The following SPEF2 variants were observed in gnomAD, a reference collection of about 807,000 sequenced individuals.
SPEF2 encodes sperm flagella and cilia-associated protein 2.
SPEF2 carries 187 observed loss-of-function variants against 224.6 expected under a neutral mutation model. That is an observed-to-expected ratio of 0.83 (90% CI 0.74 to 0.94). The LOEUF (loss-of-function observed/expected upper bound fraction) is 0.94, where lower values mean the gene tolerates loss of function less well. Ranked by LOEUF, SPEF2 falls within the 40% of genes least tolerant of loss-of-function variation. The pLI is 0.00. For synonymous variants in SPEF2, 715 were observed against 707.3 expected, an observed-to-expected ratio of 1.01 and a Z score of -0.17; for missense variants, 2,170 against 2,135.6, an observed-to-expected ratio of 1.02 and a Z score of -0.32.
intron 28 of SPEF2, among the ~76,000 whole-genome samples, chr5:35,774,720 T>A (rs887829822): frequency 1.1e-4 from 16 of 152,176 alleles, no homozygotes; most frequent in African/African-American, 3.9e-4. Flanking sequence ...TGGCATGGGG[T>A]ATGCCGAGAC....
chr5:35,627,349 C>G (rs957707796), intron 1 of SPEF2, among the ~76,000 whole-genome samples: 2 of 151,852 alleles, frequency 1.3e-5, no homozygotes, highest in African/African-American at 2.4e-5. Flanking sequence ...TGCCTGTAAT[C>G]CCAGCACTTT....
chr5:35,704,595 C>A lies in SPEF2; in HGVS notation c.2440C>A (p.Gln814Lys), dbSNP rs1739363609. Reference protein sequence around the residue: ...SYKTAHEDISQRVAAENQDKD... With the variant: ...SYKTAHEDISKRVAAENQDKD... The stretch of plus-strand genomic sequence containing the variant: ...TAAAACTGCTCACGAAGATATCAGT[C>A]AACGTGTAGCTGCTGAAAACCAAGA... Residue 814 changes from glutamine to lysine, a missense_variant, in exon 17 of 37, where the codon CAA becomes AAA. Physicochemically the swap from Gln to Lys is moderately conservative, Grantham distance 53. Transcript: ENST00000356031. 6.2e-7 allele frequency: 1 copy of A among 1,612,830 alleles called. No individual in the cohort carries two copies. Among genetic ancestry groups the A allele is most frequent in the South Asian group, 1.1e-5 (1 of 90,922 alleles).
rs1208984321 is a variant in SPEF2, at chr5:35,806,951, A to G, written c.5255A>G (p.Glu1752Gly). 6.3e-7 allele frequency: 1 copy of G among 1,590,068 alleles called. No individual in the cohort carries two copies. Among genetic ancestry groups the G allele is most frequent in the Non-Finnish European group, 8.5e-7 (1 of 1,171,122 alleles). The change falls in exon 35 of 37, where the codon GAG becomes GGG. Residue 1752 changes from glutamate to glycine, a missense_variant and splice_region_variant. By Grantham distance (98) the Glu-to-Gly change is moderately conservative. Transcript: ENST00000356031. ...SHLKIENIYA[E>G]GFIKTFQDLG... ...CTAAAGATAGAGAACATTTATGCAG[A>G]GGTTGGTTAAATTATTTTGAAAAAA...
chr5:35,705,791 C>G lies in SPEF2; in HGVS notation c.2648C>G (p.Ala883Gly). Residue 883 changes from alanine (A) to glycine (G), a missense_variant, in exon 18 of 37, where the codon GCA becomes GGA. Transcript: ENST00000356031. ...KVKEILTTEI[A>G]KKKNKVEKKL... ...AAAGAAATTCTTACGACTGAAATAG[C>G]AAAAAAAAAGAATAAAGGTATTTAC... The G allele has an allele frequency of 2.1e-6, 3 of 1,440,270 alleles. No homozygotes were observed. The highest frequency in any genetic ancestry group is 2.8e-6 in the Non-Finnish European group (3 of 1,067,608). 89.2% of individuals were successfully genotyped at this position (1,440,270 alleles called of 1,614,324 possible).
chr5:35,770,625 C>T (rs1752701188), intron 26 of SPEF2, among the ~76,000 whole-genome samples: 1 of 151,680 alleles, frequency 6.6e-6, no homozygotes, highest in Non-Finnish European at 1.5e-5. Flanking sequence ...CCTTTCTGTG[C>T]CTGGCTTATT....
chr5:35,702,322 A>C (rs1403525015), intron 16 of SPEF2: 1 of 456,234 alleles, frequency 2.2e-6, no homozygotes, highest in South Asian at 1.5e-5. Flanking sequence ...GGGCTGAGGT[A>C]AATGATCCAG....
chr5:35,619,523 A>G (rs1454779746), intron 1 of SPEF2, among the ~76,000 whole-genome samples: 1 of 152,154 alleles, frequency 6.6e-6, no homozygotes, highest in Non-Finnish European at 1.5e-5. Flanking sequence ...TCTACTAAAA[A>G]TACATTAGCC....
At chr5:35,776,224 T>A (rs745824866) in intron 28 of SPEF2, 33 bp from the exon 29 acceptor site, 2 of 1,590,826 alleles carry the variant, frequency 1.3e-6, no homozygotes, top group Admixed American at 1.8e-5. Context: ...CACTGCAATA[T>A]GTTAAAACAT....
intron 20 of SPEF2, among the ~76,000 whole-genome samples, chr5:35,717,108 G>A (rs895408351): frequency 2.0e-5 from 3 of 152,144 alleles, no homozygotes; most frequent in South Asian, 4.1e-4. Flanking sequence ...TGTTAATTAG[G>A]AGCCAAATTT....
Position 35,692,482 on chromosome 5 carries a change from G to GTGTT in SPEF2, c.1745-87_1745-84dup, listed in dbSNP as rs1338370271. 17 of 985,230 alleles carry GTGTT rather than the reference G, an allele frequency of 1.7e-5. No homozygotes were observed. In the African/African-American group the frequency reaches 2.6e-4, roughly 15 times the overall value. 61.0% of individuals were successfully genotyped at this position (985,230 alleles called of 1,614,324 possible). A position where few individuals can be genotyped will look rare whatever the true frequency, so the allele number is the denominator to read the frequency against. ...ACTGTTCTAGCGGGCCTGAAAGACA[G>GTGTT]TGTTATAGGACAAAACCAGCACATA... On this transcript the variant is annotated intron_variant, in intron 11 of 36. Transcript: ENST00000356031.
At chr5:35,639,173 A>T (rs286445) in intron 2 of SPEF2, among the ~76,000 whole-genome samples, 1 of 151,968 alleles carries the variant, frequency 6.6e-6, no homozygotes, top group South Asian at 2.1e-4. Flanking sequence ...CTTTGGATAG[A>T]TGTGTGTCCT....
At chr5:35,698,585 C>T (rs1296322841) in intron 15 of SPEF2, 3 of 152,200 alleles carry the variant, frequency 2.0e-5, no homozygotes, top group African/African-American at 4.8e-5. Context: ...GGAACTGAAA[C>T]CTCCACACCC....
chr5:35,629,598 A>G (rs142417648), intron 2 of SPEF2, among the ~76,000 whole-genome samples: 1 of 152,350 alleles, frequency 6.6e-6, no homozygotes, highest in Non-Finnish European at 1.5e-5. Context: ...TTTAGTGGCT[A>G]TATTGAAATA....
intron 19 of SPEF2, chr5:35,710,604 G>T: frequency 1.0e-6 from 1 of 985,026 alleles, no homozygotes; most frequent in Non-Finnish European, 1.2e-6. Context: ...TTTCACAGTG[G>T]GTCAGGTGAG....
rs1580784343 is a variant in SPEF2, at chr5:35,800,229, T to A, written c.5010+82T>A. 3.5e-6 allele frequency: 5 copies of A among 1,425,546 alleles called. No homozygotes were observed. The East Asian group carries it at 9.2e-5, about 26-fold the overall frequency. The allele number at this position is 1,425,546 out of a possible 1,614,324, so 88.3% of individuals were successfully genotyped here. On this transcript the variant is annotated intron_variant, in intron 34 of 36. Transcript: ENST00000356031. ...CCTAAACTGACAACAAGGACTCTAT[T>A]ATTTTCATCTCCGTATTTTCCTAGG...
chr5:35,685,308 T>C (rs1753437768), intron 10 of SPEF2, among the ~76,000 whole-genome samples: 3 of 152,140 alleles, frequency 2.0e-5, no homozygotes, highest in Non-Finnish European at 4.4e-5. Flanking sequence ...AGTATTTTCT[T>C]ATCTGCAGTG....
rs115655977 is a variant in SPEF2, at chr5:35,658,255, C to T, written c.979-764C>T. On this transcript the variant is annotated intron_variant, in intron 7 of 36. Transcript: ENST00000356031. ...TGATTCCCAGTTTAATGTTTTTTTT[C>T]CACTGTTCATTTACTGGTCACCTTT... Among the ~76,000 whole-genome samples, 1,376 of 152,124 alleles carry T rather than the reference C, an allele frequency of 9.0e-3. 18 individuals are homozygous for T. Among genetic ancestry groups the T allele is most frequent in the African/African-American group, 0.032 (1,339 of 41,506 alleles).
rs144935954 is a variant in SPEF2 at position 35,623,175 on chromosome 5, G to T, written c.58+5120G>T. Among the ~76,000 whole-genome samples the T allele has an allele frequency of 8.3e-4, 127 of 152,316 alleles. 3 individuals carry two copies. The East Asian group carries it at 0.021, about 25-fold the overall frequency. On this transcript the variant is annotated intron_variant, in intron 1 of 36. Coordinates refer to ENST00000356031, the MANE Select transcript of SPEF2 (RefSeq NM_024867.4). The stretch of plus-strand genomic sequence containing the variant: ...TTTGAGGAGGGTTCCAGGAAGTGGT[G>T]CCTTGCTGTGAAATTGGTTATGTTC...
intron 21 of SPEF2, among the ~76,000 whole-genome samples, chr5:35,738,563 GT>G (rs1276272464): frequency 9.4e-5 from 14 of 148,290 alleles, no homozygotes; most frequent in African/African-American, 1.7e-4. Flanking sequence ...TTGTTAACAA[GT>G]TTTGACAAAC....
Sources: gnomAD v4.1 joint callset for allele counts (sites outside exome capture counted in the v4.1 genomes callset) on GRCh38, gnomAD v4.1.1 for gene constraint, MANE v1.5 for transcripts, NCBI Gene and HGNC (gene_info 2026-07-23, HGNC 2026-07-21) for gene names.